The following TMEM245 variants were observed in gnomAD, a reference collection of about 807,000 sequenced individuals.
TMEM245 encodes the protein transmembrane protein 245, also known as protein CG-2.
A neutral mutation model predicts 101.2 loss-of-function variants in TMEM245; 69 were observed. The ratio of observed to expected loss-of-function variants is 0.68; its 90% confidence interval spans 0.56 to 0.83. The LOEUF (loss-of-function observed/expected upper bound fraction) is 0.83, where lower values mean the gene tolerates loss of function less well. Among genes scored for constraint, TMEM245 ranks in the 40% least tolerant of loss-of-function variants. The pLI, the probability that TMEM245 is intolerant of heterozygous loss-of-function variation, is 0.00. For missense variants in TMEM245, 1,075 were observed against 1,092.8 expected, an observed-to-expected ratio of 0.98 and a Z score of 0.23; for synonymous variants, 537 against 449.8, an observed-to-expected ratio of 1.19 and a Z score of -2.45.
intron 8 of TMEM245, among the ~76,000 whole-genome samples, chr9:109,076,842 C>T (rs977450953): frequency 6.6e-6 from 1 of 152,028 alleles, no homozygotes; most frequent in Non-Finnish European, 1.5e-5. Flanking sequence ...AGAAATGCAT[C>T]ACAATGCCCA....
intron 5 of TMEM245, among the ~76,000 whole-genome samples, chr9:109,090,283 C>T (rs1435317127): frequency 1.3e-5 from 2 of 151,726 alleles, no homozygotes; most frequent in East Asian, 3.9e-4. Flanking sequence ...AAAAATCATT[C>T]GATCTTCAAA....
rs1214764039 is a variant in TMEM245 at position 109,108,568 on chromosome 9, G to T, written c.582C>A (p.Ile194=). ...ACACATAGCCAACCACCAACGTCCA[G>T]ATCTTAAATAAATGAAAGACACAGC... ...RGLDYFSSLW[I]WTLVVGYVLT... is the part of the protein sequence containing the mutation. Residue 194 remains isoleucine (I), a splice_region_variant and synonymous_variant, in exon 2 of 18, where the codon ATC becomes ATA. Transcript: ENST00000374586. The T allele has an allele frequency of 2.5e-6, 4 of 1,586,534 alleles. No homozygotes were observed.
chr9:109,110,115 T>C (rs1320541748), intron 1 of TMEM245, among the ~76,000 whole-genome samples: 1 of 152,114 alleles, frequency 6.6e-6, no homozygotes, highest in Non-Finnish European at 1.5e-5. Context: ...ACATGGGAAG[T>C]GAGACTACAG....
At chr9:109,031,440 G>T (rs1246120247) in intron 17 of TMEM245, among the ~76,000 whole-genome samples, 3 of 152,114 alleles carry the variant, frequency 2.0e-5, no homozygotes, top group African/African-American at 7.2e-5. Flanking sequence ...AATGAACCAT[G>T]AACAGAGAAA....
chr9:109,089,220 T>G (rs1829929101), intron 5 of TMEM245, among the ~76,000 whole-genome samples: 1 of 146,510 alleles, frequency 6.8e-6, no homozygotes, highest in Admixed American at 7.1e-5. Flanking sequence ...GGTGACAAAG[T>G]GAGACCTTGT....
intron 8 of TMEM245, among the ~76,000 whole-genome samples, chr9:109,076,478 T>C (rs1015530801): frequency 1.3e-5 from 2 of 152,014 alleles, no homozygotes; most frequent in Non-Finnish European, 2.9e-5. Flanking sequence ...CACGTATACA[T>C]ATGTAACAAA....
chr9:109,038,838 G>A (rs1013961934), intron 14 of TMEM245: 1 of 152,238 alleles, frequency 6.6e-6, no homozygotes. Context: ...GGTGCTCTGT[G>A]TTTTTCAGTT....
intron 10 of TMEM245, among the ~76,000 whole-genome samples, chr9:109,062,052 C>T (rs917674035): frequency 8.6e-5 from 13 of 151,814 alleles, no homozygotes; most frequent in African/African-American, 3.1e-4. Flanking sequence ...TCACCCAGGC[C>T]GGAGTGCAGT....
chr9:109,103,542 T>G (rs1830332016), intron 3 of TMEM245, among the ~76,000 whole-genome samples: 3 of 152,070 alleles, frequency 2.0e-5, no homozygotes, highest in African/African-American at 4.8e-5. Context: ...TGGAGTACTA[T>G]TCCGCCAAAA....
At chr9:109,090,066 C>G (rs1683704741) in intron 5 of TMEM245, among the ~76,000 whole-genome samples, 1 of 151,904 alleles carries the variant, frequency 6.6e-6, no homozygotes, top group Admixed American at 6.6e-5. Flanking sequence ...TCGAGACCAG[C>G]CTGGCCAACA....
chr9:109,031,872 T>C (rs898005472), intron 17 of TMEM245, among the ~76,000 whole-genome samples: 4 of 152,258 alleles, frequency 2.6e-5, no homozygotes, highest in Non-Finnish European at 4.4e-5. Flanking sequence ...AACAGTACTT[T>C]TTATTTTAAT....
intron 9 of TMEM245, among the ~76,000 whole-genome samples, chr9:109,066,880 ACC>A: frequency 6.6e-6 from 1 of 152,048 alleles, no homozygotes; most frequent in East Asian, 1.9e-4. Flanking sequence ...ACATGGTGAA[ACC>A]CCGTCTCTAC....
intron 15 of TMEM245, among the ~76,000 whole-genome samples, chr9:109,037,400 G>A (rs184804008): frequency 2.0e-5 from 3 of 152,302 alleles, no homozygotes; most frequent in African/African-American, 4.8e-5. Flanking sequence ...CAACTGATAC[G>A]GGTTTGGATC....
chr9:109,087,013 C>A (rs1829859215), intron 6 of TMEM245, among the ~76,000 whole-genome samples, 160 bp downstream of exon 6: 1 of 152,174 alleles, frequency 6.6e-6, no homozygotes, highest in South Asian at 2.1e-4. Flanking sequence ...CCCATCTTAT[C>A]CTTGTGTAAA....
intron 12 of TMEM245, among the ~76,000 whole-genome samples, chr9:109,056,133 A>T (rs1828827537): frequency 6.6e-6 from 1 of 152,230 alleles, no homozygotes; most frequent in South Asian, 2.1e-4. Flanking sequence ...TAGCATAAAC[A>T]TTATTTTAGA....
At position 109,119,888 on chromosome 9, in the gene TMEM245, T is replaced by C. The variant is rs574526692; in HGVS notation, c.26A>G (p.Asp9Gly). Residue 9 changes from aspartate to glycine, a missense_variant, in exon 1 of 18, where the codon GAC becomes GGC. Transcript: ENST00000374586. Reference sequence around the variant, plus strand: ...GGGAGAGCTCCGCAGGCTTGGCGCGTCCTTAGGGCCGCCGCCGTCGGCCAT... The same window carrying C: ...GGGAGAGCTCCGCAGGCTTGGCGCGCCCTTAGGGCCGCCGCCGTCGGCCAT... MADGGGPK[D>G]APSLRSSPGP... The C allele has an allele frequency of 4.7e-3, 6,023 of 1,273,630 alleles. 16 individuals carry two copies. Among genetic ancestry groups the C allele is most frequent in the Non-Finnish European group, 5.6e-3 (5,645 of 1,015,388 alleles). 78.9% of individuals were successfully genotyped at this position (1,273,630 alleles called of 1,614,324 possible).
rs534144378 is a variant in TMEM245, at chr9:109,094,806, T to C, written c.800-1215A>G. Among the ~76,000 whole-genome samples the C allele has an allele frequency of 4.6e-5, 7 of 152,298 alleles. 1 individual carries two copies. Among genetic ancestry groups the C allele is most frequent in the Non-Finnish European group, 5.9e-5 (4 of 68,028 alleles). ...TCACCAAATCATACACCCACACTCATACAACTGAGACATTACTTTTGGTAG... is the reference window on the plus strand; with the variant it reads ...TCACCAAATCATACACCCACACTCACACAACTGAGACATTACTTTTGGTAG... On this transcript the variant is annotated intron_variant, in intron 3 of 17. Transcript: ENST00000374586.
chr9:109,108,827 C>T (rs1266192149), intron 1 of TMEM245, among the ~76,000 whole-genome samples: 1 of 152,010 alleles, frequency 6.6e-6, no homozygotes, highest in East Asian at 1.9e-4. Context: ...CAAAACCCAT[C>T]TTATACACAA....
intron 12 of TMEM245, among the ~76,000 whole-genome samples, chr9:109,052,908 T>C (rs1334790852): frequency 6.7e-6 from 1 of 148,592 alleles, no homozygotes; most frequent in African/African-American, 2.5e-5. Flanking sequence ...AGATTGGTAG[T>C]CTCCAACAAC....
Sources: allele counts gnomAD v4.1 joint callset (sites outside exome capture counted in the v4.1 genomes callset), GRCh38; gene constraint gnomAD v4.1.1; transcripts MANE v1.5; gene names NCBI Gene and HGNC (gene_info 2026-07-23, HGNC 2026-07-21).